Variants in IQCE observed in about 807,000 individuals in gnomAD.
The protein encoded by IQCE is IQ motif containing E.
A neutral mutation model predicts 96.0 loss-of-function variants in IQCE; 115 were observed. The observed-to-expected ratio is 1.20, with a 90% CI of 1.03 to 1.40. The LOEUF (loss-of-function observed/expected upper bound fraction) is 1.40, where lower values mean the gene tolerates loss of function less well. Among genes scored for constraint, IQCE ranks in the 40% most tolerant of loss-of-function variants. The pLI, the probability that IQCE is intolerant of heterozygous loss-of-function variation, is 0.00. For synonymous variants in IQCE, 412 were observed against 371.2 expected (o/e 1.11, Z -1.26); for missense variants, 1,041 against 909.1 (o/e 1.15, Z -1.87).
intron 12 of IQCE, among the ~76,000 whole-genome samples, chr7:2,587,226 G>C (rs1783193043): frequency 6.6e-6 from 1 of 151,932 alleles, no homozygotes; most frequent in South Asian, 2.1e-4. Flanking sequence ...GGCAGGTTTG[G>C]GGAAAGGCCA....
In IQCE at chr7:2,581,046, T is replaced by C. The variant is rs191532981; in HGVS notation, c.631-1534T>C. Among the ~76,000 whole-genome samples the C allele has an allele frequency of 6.4e-3, 981 of 152,116 alleles. 13 individuals carry two copies. The highest frequency in any genetic ancestry group is 0.022 in the African/African-American group (921 of 41,470). On this transcript the variant is annotated intron_variant, in intron 8 of 21. Transcript: ENST00000402050. Reference sequence around the variant, plus strand: ...TTTTAGTAGAGACGGGGTTTCACCGTGTTAGCCAGGATGGTCTCGATCTCC... The same window carrying C: ...TTTTAGTAGAGACGGGGTTTCACCGCGTTAGCCAGGATGGTCTCGATCTCC...
At chr7:2,563,156 G>A (rs374682263) in intron 1 of IQCE, among the ~76,000 whole-genome samples, 2 of 152,060 alleles carry the variant, frequency 1.3e-5, no homozygotes, top group African/African-American at 4.8e-5. Flanking sequence ...GAACTTCTGG[G>A]CTCAAGCAGT....
Position 2,559,237 on chromosome 7 carries a change from C to T in IQCE, c.36+20C>T. 8.3e-7 allele frequency: 1 copy of T among 1,207,934 alleles called. No individual in the cohort carries two copies. The allele number at this position is 1,207,934 out of a possible 1,614,324, so 74.8% of individuals were successfully genotyped here. A position where few individuals can be genotyped will look rare whatever the true frequency, so the allele number is the denominator to read the frequency against. On this transcript the variant is annotated intron_variant, in intron 1 of 21. Coordinates refer to ENST00000402050, the MANE Select transcript of IQCE (RefSeq NM_152558.5). ...GACACGGTAAGAACGGGCGAGGGGG[C>T]GACGCCGGGCGGGCGTCCGCGAGGC...
At chr7:2,609,982 C>G (rs1279505758) in intron 21 of IQCE, 62 bp from the exon 22 acceptor site, 2 of 903,864 alleles carry the variant, frequency 2.2e-6, no homozygotes, top group African/African-American at 1.6e-5. Context: ...GTAAGGGTGT[C>G]CGTGGTGGCA....
intron 20 of IQCE, among the ~76,000 whole-genome samples, chr7:2,606,612 T>C (rs2049531): frequency 0.34 from 52,099 of 152,062 alleles, 9,257 homozygotes; most frequent in East Asian, 0.51. Context: ...TCTCAGCCTC[T>C]GTGGTGGAGC....
At chr7:2,605,095 C>T (rs1440884688) in intron 19 of IQCE, 104 bp downstream of exon 19, 7 of 791,776 alleles carry the variant, frequency 8.8e-6, no homozygotes, top group African/African-American at 3.4e-5. Context: ...TCCACATCCC[C>T]GCCCGCCCAG....
chr7:2,577,130 G>A (rs115431233), intron 6 of IQCE, among the ~76,000 whole-genome samples: 1 of 152,206 alleles, frequency 6.6e-6, no homozygotes, highest in Non-Finnish European at 1.5e-5. Context: ...ACCACACACA[G>A]AGCCCTGAGT....
At chr7:2,573,898 G>A (rs991683429) in intron 6 of IQCE, among the ~76,000 whole-genome samples, 1 of 152,176 alleles carries the variant, frequency 6.6e-6, no homozygotes, top group Non-Finnish European at 1.5e-5. Flanking sequence ...CTCTACAGAA[G>A]CTCTGTGGGA....
At chr7:2,589,673 G>T (rs531262943) in intron 13 of IQCE, among the ~76,000 whole-genome samples, 2 of 152,212 alleles carry the variant, frequency 1.3e-5, no homozygotes, top group South Asian at 4.1e-4. Flanking sequence ...CTGCGCCCTG[G>T]CTTGGCGGGG....
intron 1 of IQCE, among the ~76,000 whole-genome samples, chr7:2,560,456 C>T (rs1406454597): frequency 1.3e-5 from 2 of 152,310 alleles, no homozygotes; most frequent in African/African-American, 2.4e-5. Context: ...CAGCTGCACC[C>T]GCAGTAGGGG....
chr7:2,609,066 C>T (rs887289321), intron 21 of IQCE, among the ~76,000 whole-genome samples: 4 of 152,206 alleles, frequency 2.6e-5, no homozygotes, highest in African/African-American at 7.2e-5. Context: ...TCAGGCTCCC[C>T]GGCAAGGAGC....
At chr7:2,604,733 G>A in intron 18 of IQCE, 148 bp from the exon 19 acceptor site, 1 of 605,884 alleles carries the variant, frequency 1.7e-6, no homozygotes, top group South Asian at 1.8e-5. Flanking sequence ...GAGCACGGAC[G>A]GCTCTTTGAG....
chr7:2,597,056 G>C (rs1396016650), intron 16 of IQCE: 2 of 471,320 alleles, frequency 4.2e-6, no homozygotes. Flanking sequence ...ACGCAGGAGC[G>C]GCGCGTCGGC....
intron 16 of IQCE, among the ~76,000 whole-genome samples, chr7:2,595,803 GCAGCCA>G (rs1562667484): frequency 2.5e-4 from 34 of 137,276 alleles, no homozygotes; most frequent in Admixed American, 2.1e-3. Flanking sequence ...CTGGAGGGTC[GCAGCCA>G]TGCTCTGCTC....
In IQCE at chr7:2,612,489, C is replaced by G. The variant is rs192202514; in HGVS notation, c.*2327C>G. 1 of 150,436 alleles carries G rather than the reference C, an allele frequency of 6.6e-6. No individual in the cohort carries two copies. The highest frequency in any genetic ancestry group is 1.5e-5 in the Non-Finnish European group (1 of 67,890). 9.3% of individuals were successfully genotyped at this position (150,436 alleles called of 1,614,324 possible). ...CTGGGGGCCAGGGGTTCTGGCCCTG[C>G]GGGGACTTAGGCAGGAGGGGAAGAG... is the stretch of plus-strand genomic sequence containing the variant. On this transcript the variant is annotated 3_prime_UTR_variant, in exon 22 of 22. Coordinates refer to ENST00000402050, the MANE Select transcript of IQCE (RefSeq NM_152558.5).
chr7:2,604,299 C>G (rs149608480), intron 18 of IQCE, among the ~76,000 whole-genome samples: 37 of 152,170 alleles, frequency 2.4e-4, no homozygotes, highest in South Asian at 8.3e-4. Context: ...TCTGTAGAGA[C>G]GAGGTCTTGC....
intron 12 of IQCE, 100 bp from the exon 13 acceptor site, chr7:2,587,722 T>TC: frequency 8.3e-7 from 1 of 1,208,774 alleles, no homozygotes; most frequent in Admixed American, 1.7e-5. Context: ...CGCAGGCTGC[T>TC]CCGGCTGCGG....
chr7:2,590,806 T>C (rs563348848), intron 14 of IQCE, among the ~76,000 whole-genome samples: 4 of 152,186 alleles, frequency 2.6e-5, no homozygotes, highest in African/African-American at 9.6e-5. Flanking sequence ...TAAATCTCTC[T>C]ACCCTGAATT....
At chr7:2,584,947 G>A (rs1472546765) in intron 11 of IQCE, among the ~76,000 whole-genome samples, 3 of 152,120 alleles carry the variant, frequency 2.0e-5, no homozygotes, top group Non-Finnish European at 2.9e-5. Context: ...AATCACGTCC[G>A]CCTTACAGAG....
Sources: gnomAD v4.1 joint callset for allele counts (sites outside exome capture counted in the v4.1 genomes callset) on GRCh38, gnomAD v4.1.1 for gene constraint, MANE v1.5 for transcripts, NCBI Gene and HGNC (gene_info 2026-07-23, HGNC 2026-07-21) for gene names.